EVA1C: variants seen among roughly 807,000 people sequenced by gnomAD.
The protein encoded by EVA1C is eva-1 homolog C.
In EVA1C, 25 loss-of-function variants were observed where a neutral mutation model predicts 45.4. The ratio of observed to expected loss-of-function variants is 0.55; its 90% CI spans 0.40 to 0.77. The LOEUF (loss-of-function observed/expected upper bound fraction) is 0.77, where lower values mean the gene tolerates loss of function less well. Among genes scored for constraint, EVA1C ranks in the 30% least tolerant of loss-of-function variants. The pLI is 0.00. For synonymous variants in EVA1C, 190 were observed against 221.2 expected, an observed-to-expected ratio of 0.86 and a Z score of 1.25; for missense variants, 479 against 554.8, an observed-to-expected ratio of 0.86 and a Z score of 1.37.
At chr21:32,511,048 T>C (rs574422290) in intron 7 of EVA1C, among the ~76,000 whole-genome samples, 14 of 107,554 alleles carry the variant, frequency 1.3e-4, no homozygotes, top group Non-Finnish European at 1.9e-4. Flanking sequence ...TCTCTCCCTC[T>C]CTCTCTCTCT....
chr21:32,501,823 C>T (rs143479261), intron 6 of EVA1C, among the ~76,000 whole-genome samples: 262 of 152,222 alleles, frequency 1.7e-3, no homozygotes, highest in Non-Finnish European at 3.1e-3. Context: ...GAGCTTTTTG[C>T]AAAGCTGAGC....
chr21:32,448,059 C>A (rs921791918), intron 1 of EVA1C, among the ~76,000 whole-genome samples: 1 of 152,146 alleles, frequency 6.6e-6, no homozygotes, highest in Non-Finnish European at 1.5e-5. Context: ...ATCCCCCATC[C>A]CATATGGTTT....
intron 4 of EVA1C, among the ~76,000 whole-genome samples, chr21:32,473,185 T>C (rs374792113): frequency 6.6e-6 from 1 of 152,240 alleles, no homozygotes; most frequent in Non-Finnish European, 1.5e-5. Context: ...CTCCATCTAA[T>C]TGAATGCTAT....
At chr21:32,514,776 C>T (rs780637980) in intron 7 of EVA1C, 38 bp from the exon 8 acceptor site, 1 of 1,501,612 alleles carries the variant, frequency 6.7e-7, no homozygotes, top group Non-Finnish European at 8.9e-7. Context: ...AGTCTGCCAG[C>T]TCCTCCCAGC....
At chr21:32,506,051 G>T (rs1568953384) in intron 7 of EVA1C, among the ~76,000 whole-genome samples, 1 of 151,874 alleles carries the variant, frequency 6.6e-6, no homozygotes, top group Non-Finnish European at 1.5e-5. Context: ...TGAATTTTGA[G>T]GGATGCAACC....
At chr21:32,488,967 C>T (rs1463361241) in intron 4 of EVA1C, among the ~76,000 whole-genome samples, 1 of 152,170 alleles carries the variant, frequency 6.6e-6, no homozygotes, top group Non-Finnish European at 1.5e-5. Flanking sequence ...TTGCTTTTTT[C>T]AGTTGAGTTG....
At chr21:32,451,512 A>G (rs1281597335) in intron 1 of EVA1C, among the ~76,000 whole-genome samples, 1 of 152,150 alleles carries the variant, frequency 6.6e-6, no homozygotes, top group East Asian at 1.9e-4. Context: ...TGGGAATTCC[A>G]TGGAGTCTGA....
chr21:32,499,448 C>A (rs903975246), intron 5 of EVA1C, among the ~76,000 whole-genome samples: 4 of 152,210 alleles, frequency 2.6e-5, no homozygotes, highest in African/African-American at 9.6e-5. Context: ...AGCAACTTCA[C>A]CGGGCTTCCC....
intron 4 of EVA1C, among the ~76,000 whole-genome samples, chr21:32,473,714 T>C (rs1350391562): frequency 6.6e-6 from 1 of 152,220 alleles, no homozygotes; most frequent in African/African-American, 2.4e-5. Flanking sequence ...AAAAAATTGT[T>C]GGAGACAGGG....
chr21:32,444,187 GCAAA>G (rs965147196), intron 1 of EVA1C, among the ~76,000 whole-genome samples: 1 of 152,054 alleles, frequency 6.6e-6, no homozygotes, highest in African/African-American at 2.4e-5. Context: ...CCACCAACAA[GCAAA>G]CAATCAATTC....
intron 4 of EVA1C, among the ~76,000 whole-genome samples, chr21:32,482,282 T>G (rs1214031771): frequency 6.6e-6 from 1 of 152,166 alleles, no homozygotes; most frequent in African/African-American, 2.4e-5. Flanking sequence ...CAGCAAATGT[T>G]TTTGTGGGCT....
At chr21:32,459,741 T>C (rs1469475565) in intron 3 of EVA1C, among the ~76,000 whole-genome samples, 1 of 149,032 alleles carries the variant, frequency 6.7e-6, no homozygotes, top group Non-Finnish European at 1.5e-5. Flanking sequence ...GTAGGGAGGC[T>C]GAGGCAGGAG....
chr21:32,478,258 G>A (rs972321965), intron 4 of EVA1C, among the ~76,000 whole-genome samples: 10 of 151,430 alleles, frequency 6.6e-5, no homozygotes, highest in African/African-American at 1.9e-4. Flanking sequence ...TCACTCTGTC[G>A]CCCAGGCTGG....
intron 1 of EVA1C, among the ~76,000 whole-genome samples, chr21:32,414,643 T>C (rs1219189052): frequency 6.6e-6 from 1 of 152,178 alleles, no homozygotes; most frequent in Non-Finnish European, 1.5e-5. Flanking sequence ...TACAGTGGAG[T>C]TGAGCTATCA....
intron 2 of EVA1C, among the ~76,000 whole-genome samples, chr21:32,454,918 T>C (rs991251169): frequency 6.6e-6 from 1 of 152,168 alleles, no homozygotes; most frequent in Non-Finnish European, 1.5e-5. Context: ...GTAGCCAAAA[T>C]GAATGTGTCT....
At chr21:32,495,299 C>A in intron 5 of EVA1C, 129 bp downstream of exon 5, 4 of 848,914 alleles carry the variant, frequency 4.7e-6, no homozygotes, top group Non-Finnish European at 7.0e-6. Context: ...GTTTGGTCAT[C>A]CCAGATACCC....
intron 5 of EVA1C, 32 bp downstream of exon 5, chr21:32,495,202 G>T (rs1445770677): frequency 1.2e-6 from 2 of 1,608,378 alleles, no homozygotes; most frequent in Admixed American, 1.7e-5. Context: ...GCTGCCTGAT[G>T]ACACTGCCTC....
At chr21:32,466,621 G>A (rs1433116836) in intron 3 of EVA1C, among the ~76,000 whole-genome samples, 3 of 151,966 alleles carry the variant, frequency 2.0e-5, no homozygotes, top group African/African-American at 7.3e-5. Flanking sequence ...TGAATTCTTT[G>A]GGAACAAAGC....
chr21:32,430,949 G>A lies in EVA1C; in HGVS notation c.160+17936G>A, dbSNP rs1156267733. Among the ~76,000 whole-genome samples, 15 of 108,956 alleles carry A rather than the reference G, an allele frequency of 1.4e-4. 1 individual carries two copies. The highest frequency in any genetic ancestry group is 1.2e-3 in the Admixed American group (10 of 8,694). 71.5% of individuals were successfully genotyped at this position (108,956 alleles called of 152,430 possible). Reference sequence around the variant, plus strand: ...GATCACACCACTGCACTCCAGCCTCGGCAACAGAGTGAGACTTGGTCTCAA... The same window carrying A: ...GATCACACCACTGCACTCCAGCCTCAGCAACAGAGTGAGACTTGGTCTCAA... On this transcript the variant is annotated intron_variant, in intron 1 of 7. Transcript: ENST00000300255.
Sources: gnomAD v4.1 joint callset for allele counts (sites outside exome capture counted in the v4.1 genomes callset) on GRCh38, gnomAD v4.1.1 for gene constraint, MANE v1.5 for transcripts, NCBI Gene and HGNC (gene_info 2026-07-23, HGNC 2026-07-21) for gene names.